The following COL21A1 variants were observed in gnomAD, a reference collection of about 807,000 sequenced individuals.
The protein encoded by COL21A1 is collagen alpha-1(XXI) chain.
A neutral mutation model predicts 137.9 loss-of-function variants in COL21A1; 149 were observed. The observed-to-expected ratio is 1.08, with a 90% CI of 0.95 to 1.24. The LOEUF is 1.24. COL21A1 is among the 50% of genes most tolerant of loss of function. The pLI is 0.00. For missense variants in COL21A1, 1,167 were observed against 1,158.4 expected (o/e 1.01, Z -0.11); for synonymous variants, 456 against 391.5 (o/e 1.16, Z -1.95).
At chr6:56,316,803 A>G (rs1197359832) in intron 1 of COL21A1, among the ~76,000 whole-genome samples, 1 of 152,066 alleles carries the variant, frequency 6.6e-6, no homozygotes, top group Non-Finnish European at 1.5e-5. Context: ...TATTTTTTAT[A>G]AAAAGGAAAT....
In COL21A1 at chr6:56,164,838, C is replaced by A; in HGVS notation, c.1279-16G>T. 6.5e-7 allele frequency: 1 copy of A among 1,530,500 alleles called. No homozygotes were observed. Among genetic ancestry groups the A allele is most frequent in the Non-Finnish European group, 8.9e-7 (1 of 1,124,882 alleles). The allele number at this position is 1,530,500 out of a possible 1,614,324, so 94.8% of individuals were successfully genotyped here. On this transcript the variant is annotated splice_polypyrimidine_tract_variant and intron_variant, in intron 7 of 29. Transcript: ENST00000244728. Reference sequence around the variant, plus strand: ...CCTCTCCATTCTGAAAGAAAAACAACAAATGTGTTTTAAAATGTTTTAAAT... The same window carrying A: ...CCTCTCCATTCTGAAAGAAAAACAAAAAATGTGTTTTAAAATGTTTTAAAT...
chr6:56,061,517 T>C (rs1370217505), intron 25 of COL21A1, 132 bp downstream of exon 25: 2 of 522,860 alleles, frequency 3.8e-6, no homozygotes, highest in African/African-American at 1.9e-5. Context: ...AATTGGGAAC[T>C]TCTACTGAAG....
At chr6:56,086,141 A>T (rs1159179040) in intron 17 of COL21A1, among the ~76,000 whole-genome samples, 1 of 152,028 alleles carries the variant, frequency 6.6e-6, no homozygotes, top group Non-Finnish European at 1.5e-5. Context: ...CTTAAAAACC[A>T]TTACATATAC....
At chr6:56,202,843 A>G (rs1779504061) in intron 1 of COL21A1, among the ~76,000 whole-genome samples, 1 of 152,216 alleles carries the variant, frequency 6.6e-6, no homozygotes, top group African/African-American at 2.4e-5. Context: ...TTCAAGCAAC[A>G]AAAGAATATA....
At chr6:56,130,493 G>T (rs1773473207) in intron 12 of COL21A1, among the ~76,000 whole-genome samples, 1 of 151,896 alleles carries the variant, frequency 6.6e-6, no homozygotes, top group Non-Finnish European at 1.5e-5. Context: ...GAAGAAAGAG[G>T]TAAGCTGAGA....
chr6:56,094,143 C>T (rs759772507), intron 17 of COL21A1, among the ~76,000 whole-genome samples: 1 of 151,870 alleles, frequency 6.6e-6, no homozygotes, highest in Non-Finnish European at 1.5e-5. Flanking sequence ...TTACTATAAG[C>T]AGTAAGAAAA....
chr6:56,215,047 C>T (rs77281199), intron 1 of COL21A1, among the ~76,000 whole-genome samples: 2,004 of 152,132 alleles, frequency 0.013, 43 homozygotes, highest in African/African-American at 0.045. Context: ...AAATGCTTAA[C>T]GTCCTATGTT....
intron 16 of COL21A1, among the ~76,000 whole-genome samples, chr6:56,117,406 AC>A (rs1772037679): frequency 6.6e-6 from 1 of 151,980 alleles, no homozygotes; most frequent in African/African-American, 2.4e-5. Flanking sequence ...TTTTAAATGC[AC>A]CTAACACCCA....
chr6:56,114,541 A>G (rs1771738253), intron 16 of COL21A1, among the ~76,000 whole-genome samples: 1 of 152,242 alleles, frequency 6.6e-6, no homozygotes, highest in Non-Finnish European at 1.5e-5. Flanking sequence ...TCAAAAGAAG[A>G]CATTTATGCA....
chr6:56,281,502 G>C (rs1427244145), intron 1 of COL21A1, among the ~76,000 whole-genome samples: 1 of 152,092 alleles, frequency 6.6e-6, no homozygotes, highest in Admixed American at 6.6e-5. Flanking sequence ...TGTTCCATGA[G>C]ATTTAGATGC....
chr6:56,167,179 GA>G (rs1241992077), intron 6 of COL21A1, among the ~76,000 whole-genome samples, 196 bp from the exon 7 acceptor site: 2 of 152,152 alleles, frequency 1.3e-5, no homozygotes, highest in Non-Finnish European at 2.9e-5. Flanking sequence ...AACTACTAAA[GA>G]AAAATTCCCT....
Position 56,092,592 on chromosome 6 carries a change from C to T in COL21A1, c.1812+8880G>A, listed in dbSNP as rs79900897. On this transcript the variant is annotated intron_variant, in intron 17 of 29. Transcript: ENST00000244728. ...AGAAAATATTGACTGAAGAGTCTTG[C>T]TTTCAAATTGTCATTGAAACAGACT... Among the ~76,000 whole-genome samples, 238 of 152,208 alleles carry T rather than the reference C, an allele frequency of 1.6e-3. 3 individuals carry two copies. The East Asian group carries it at 0.022, about 14-fold the overall frequency.
At chr6:56,084,856 A>T (rs990830486) in intron 17 of COL21A1, among the ~76,000 whole-genome samples, 1 of 152,070 alleles carries the variant, frequency 6.6e-6, no homozygotes, top group African/African-American at 2.4e-5. Context: ...AGAAATCAAT[A>T]CTGGGGAGAT....
At chr6:56,295,930 T>G (rs1222315546) in intron 1 of COL21A1, among the ~76,000 whole-genome samples, 1 of 151,940 alleles carries the variant, frequency 6.6e-6, no homozygotes, top group Non-Finnish European at 1.5e-5. Flanking sequence ...GATTTACTTT[T>G]CATGTCTTTT....
Position 56,060,959 on chromosome 6 carries a change from G to A in COL21A1, c.2284C>T (p.Pro762Ser). Residue 762 changes from proline to serine, a missense_variant, in exon 26 of 30, where the codon CCC (proline) becomes TCC (serine). Transcript: ENST00000244728. ...GESGVDGLMG[P>S]AGPKGQPGDP... Reference sequence around the variant, plus strand: ...CCAGGTTGCCCCTTAGGACCTGCGGGCCCCATCAAGCCATCCACCCCAGAT... The same window carrying A: ...CCAGGTTGCCCCTTAGGACCTGCGGACCCCATCAAGCCATCCACCCCAGAT... 2 of 1,607,742 alleles carry A rather than the reference G, an allele frequency of 1.2e-6. No homozygotes were observed. The highest frequency in any genetic ancestry group is 1.1e-5 in the South Asian group (1 of 90,390).
intron 18 of COL21A1, among the ~76,000 whole-genome samples, chr6:56,076,580 T>C (rs984935087): frequency 2.6e-5 from 4 of 151,276 alleles, no homozygotes; most frequent in Non-Finnish European, 5.9e-5. Context: ...AAAGTGAAAA[T>C]TATGAGTGTT....
chr6:56,100,382 C>T (rs1298631777), intron 17 of COL21A1, among the ~76,000 whole-genome samples: 1 of 152,140 alleles, frequency 6.6e-6, no homozygotes, highest in African/African-American at 2.4e-5. Context: ...AATGTTTTTA[C>T]AATTTTTAAA....
intron 3 of COL21A1, 84 bp from the exon 4 acceptor site, chr6:56,171,212 T>C (rs1777021384): frequency 6.2e-6 from 5 of 805,412 alleles, no homozygotes; most frequent in Non-Finnish European, 9.6e-6. Context: ...TACTAGACAA[T>C]ATAGTATTCT....
Position 56,124,039 on chromosome 6 carries a change from CTTTT to C in COL21A1, c.1758+19_1758+22del. The stretch of plus-strand genomic sequence containing the variant: ...GATACAAAAATCTTTTTGTTTTGTC[CTTTT>C]TTTTTTTTTTATAAATACCTTGAAA... On this transcript the variant is annotated intron_variant, in intron 16 of 29. Coordinates refer to ENST00000244728, the MANE Select transcript of COL21A1 (RefSeq NM_030820.4). The C allele has an allele frequency of 7.8e-7, 1 of 1,273,972 alleles. No homozygotes were observed. Among genetic ancestry groups the C allele is most frequent in the Non-Finnish European group, 1.1e-6 (1 of 951,234 alleles). 78.9% of individuals were successfully genotyped at this position (1,273,972 alleles called of 1,614,324 possible).
Sources: gnomAD v4.1 joint callset for allele counts (sites outside exome capture counted in the v4.1 genomes callset) on GRCh38, gnomAD v4.1.1 for gene constraint, MANE v1.5 for transcripts, NCBI Gene and HGNC (gene_info 2026-07-23, HGNC 2026-07-21) for gene names.